The following SNX18 variants were observed in gnomAD, a reference collection of about 807,000 sequenced individuals.
The protein encoded by SNX18 is sorting nexin-18.
Under a neutral mutation model 48.7 loss-of-function variants are expected in SNX18, and 35 were observed. The observed-to-expected ratio is 0.72, with a 90% CI of 0.55 to 0.95. SNX18 has a LOEUF of 0.95. SNX18 is among the 40% of genes least tolerant of loss of function. The pLI is 0.00. For missense variants in SNX18, 824 were observed against 871.0 expected (o/e 0.95, Z 0.68); for synonymous variants, 492 against 384.7 (o/e 1.28, Z -3.26).
the SNX18 span, among the ~76,000 whole-genome samples, chr5:54,605,813 A>G: frequency 1.6e-4 from 24 of 152,056 alleles, no homozygotes; most frequent in Non-Finnish European, 2.8e-4. Context: ...GCATGTGCCA[A>G]CACACCCAGC....
chr5:54,533,083 A>ATT lies in SNX18; in HGVS notation c.1622-10089_1622-10088dup, dbSNP rs148507796. On this transcript the variant is annotated intron_variant, in intron 1 of 1. Coordinates refer to ENST00000381410, the MANE Select transcript of SNX18 (RefSeq NM_001102575.2). ...CTTAGAGGCCTGAATTCTTTAAGTG[A>ATT]TTTTTTTTCCATCAAGTGACCAGGT... is the stretch of plus-strand genomic sequence containing the variant. Among the ~76,000 whole-genome samples the ATT allele has an allele frequency of 1.1e-4, 17 of 152,032 alleles. No homozygotes were observed. The East Asian group carries it at 3.3e-3, about 29-fold the overall frequency.
chr5:54,537,159 G>A (rs561378702), intron 1 of SNX18, among the ~76,000 whole-genome samples: 3 of 152,112 alleles, frequency 2.0e-5, no homozygotes, highest in Non-Finnish European at 4.4e-5. Flanking sequence ...GTGAAACCTT[G>A]TCTCTACAGT....
the SNX18 span, chr5:54,643,542 C>A: frequency 1.3e-5 from 2 of 152,086 alleles, no homozygotes; most frequent in Non-Finnish European, 2.9e-5. Context: ...AATTATTTTC[C>A]ATGAATGTAG....
At chr5:54,569,125 G>A in the SNX18 span, among the ~76,000 whole-genome samples, 1 of 151,928 alleles carries the variant, frequency 6.6e-6, no homozygotes, top group Non-Finnish European at 1.5e-5. Flanking sequence ...TTACAGGCAT[G>A]AGCCACCGCG....
Position 54,517,938 on chromosome 5 carries a change from C to T in SNX18, c.-15C>T. 6.7e-7 allele frequency: 1 copy of T among 1,496,930 alleles called. No individual in the cohort carries two copies. The highest frequency in any genetic ancestry group is 1.2e-5 in the South Asian group (1 of 80,176). 92.7% of individuals were successfully genotyped at this position (1,496,930 alleles called of 1,614,324 possible). ...GACGCCGGGAGTCGGGACCGCCAGT[C>T]GGGGCGCCGGGACCATGGCGCTGCG... On this transcript the variant is annotated 5_prime_UTR_variant, in exon 1 of 2. Transcript: ENST00000381410.
chr5:54,587,302 A>ATGTAAACAAGTGGTTTTC, the SNX18 span, among the ~76,000 whole-genome samples: 1 of 152,200 alleles, frequency 6.6e-6, no homozygotes, highest in Non-Finnish European at 1.5e-5. Context: ...ACAGGTTGGT[A>ATGTAAACAAGTGGTTTTC]TGTAAACAAG....
chr5:54,631,071 C>T, the SNX18 span, among the ~76,000 whole-genome samples: 1 of 152,160 alleles, frequency 6.6e-6, no homozygotes, highest in Non-Finnish European at 1.5e-5. Flanking sequence ...ACCCATGTCC[C>T]TGAAGGTATT....
the SNX18 span, among the ~76,000 whole-genome samples, chr5:54,639,321 A>C: frequency 2.6e-5 from 4 of 152,248 alleles, no homozygotes. Flanking sequence ...GCAATGCATT[A>C]GAATCCATAC....
At chr5:54,592,836 T>C in the SNX18 span, among the ~76,000 whole-genome samples, 1 of 152,240 alleles carries the variant, frequency 6.6e-6, no homozygotes, top group Non-Finnish European at 1.5e-5. Flanking sequence ...AGTCTCACTC[T>C]GTCATCTAGG....
At chr5:54,533,345 C>G (rs1298136436) in intron 1 of SNX18, among the ~76,000 whole-genome samples, 1 of 152,132 alleles carries the variant, frequency 6.6e-6, no homozygotes, top group Non-Finnish European at 1.5e-5. Context: ...TTAATGTGGT[C>G]TAAACCTGGA....
chr5:54,523,945 A>G (rs1762080522), intron 1 of SNX18, among the ~76,000 whole-genome samples: 1 of 152,214 alleles, frequency 6.6e-6, no homozygotes, highest in Non-Finnish European at 1.5e-5. Context: ...ATACAGAGAA[A>G]AGCTCTAAGA....
At chr5:54,614,957 A>G in the SNX18 span, among the ~76,000 whole-genome samples, 3 of 152,346 alleles carry the variant, frequency 2.0e-5, no homozygotes, top group African/African-American at 7.2e-5. Flanking sequence ...CACATTTTAC[A>G]GATGAGGACA....
Position 54,544,644 on chromosome 5 carries a change from C to CCA in SNX18, c.*1213_*1214insAC, listed in dbSNP as rs1554020690. ...AAAAAGGTATTGATGAGCCCCCCCC[C>CCA]CCCAGGACATTTAACCTTAAAATTT... On this transcript the variant is annotated 3_prime_UTR_variant, in exon 2 of 2. Transcript: ENST00000381410. 1 of 137,580 alleles carries CCA rather than the reference C, an allele frequency of 7.3e-6. No homozygotes were observed. The highest frequency in any genetic ancestry group is 1.6e-5 in the Non-Finnish European group (1 of 64,466). 8.5% of individuals were successfully genotyped at this position (137,580 alleles called of 1,614,324 possible).
chr5:54,535,753 A>C (rs1369501575), intron 1 of SNX18, among the ~76,000 whole-genome samples: 2 of 152,174 alleles, frequency 1.3e-5, no homozygotes, highest in Non-Finnish European at 2.9e-5. Context: ...GACTTGTATA[A>C]AAACTCTTCT....
the SNX18 span, among the ~76,000 whole-genome samples, chr5:54,633,945 T>A: frequency 6.6e-6 from 1 of 152,188 alleles, no homozygotes. Flanking sequence ...ACACACGAAG[T>A]ATTATGAACA....
the SNX18 span, among the ~76,000 whole-genome samples, chr5:54,620,003 C>T: frequency 2.6e-5 from 4 of 152,052 alleles, no homozygotes; most frequent in Admixed American, 6.6e-5. Flanking sequence ...AAACGGAAGG[C>T]GGTTTTTATG....
chr5:54,599,750 C>T, the SNX18 span, among the ~76,000 whole-genome samples: 1 of 152,040 alleles, frequency 6.6e-6, no homozygotes, highest in African/African-American at 2.4e-5. Flanking sequence ...ACTTCCTATT[C>T]AAAAAATGGT....
chr5:54,576,168 T>G, the SNX18 span, among the ~76,000 whole-genome samples: 1 of 152,172 alleles, frequency 6.6e-6, no homozygotes, highest in Non-Finnish European at 1.5e-5. Flanking sequence ...AGCCTTCATG[T>G]GTGATTCCAG....
the SNX18 span, among the ~76,000 whole-genome samples, chr5:54,589,753 A>T: frequency 0.29 from 44,513 of 152,062 alleles, 7,559 homozygotes; most frequent in Non-Finnish European, 0.37. Flanking sequence ...TGCCCAGTCA[A>T]TGGATTCTGC....
Sources: allele counts gnomAD v4.1 joint callset (sites outside exome capture counted in the v4.1 genomes callset), GRCh38; gene constraint gnomAD v4.1.1; transcripts MANE v1.5; gene names NCBI Gene and HGNC (gene_info 2026-07-23, HGNC 2026-07-21).